The following NTM variants were observed in gnomAD, a reference collection of about 807,000 sequenced individuals.
NTM encodes neurotrimin.
NTM carries 13 observed loss-of-function variants against 42.1 expected under a neutral mutation model. The ratio of observed to expected loss-of-function variants is 0.31; its 90% CI spans 0.20 to 0.49. The LOEUF (loss-of-function observed/expected upper bound fraction) is 0.49. Ranked by LOEUF, NTM falls within the 20% of genes least tolerant of loss-of-function variation. The pLI is 0.99. For missense variants in NTM, 373 were observed against 452.8 expected, an observed-to-expected ratio of 0.82 and a Z score of 1.60; for synonymous variants, 187 against 179.2, an observed-to-expected ratio of 1.04 and a Z score of -0.35.
intron 7 of NTM, among the ~76,000 whole-genome samples, chr11:132,318,326 T>G (rs2095482890): frequency 6.6e-6 from 1 of 152,192 alleles, no homozygotes; most frequent in Non-Finnish European, 1.5e-5. Context: ...CGTACAGAGT[T>G]GTTCCAACAG....
intron 1 of NTM, among the ~76,000 whole-genome samples, chr11:131,676,923 C>T (rs935879057): frequency 6.6e-6 from 1 of 152,206 alleles, no homozygotes; most frequent in Non-Finnish European, 1.5e-5. Context: ...CACTTAGCTG[C>T]GTTCTGTTGC....
At chr11:132,184,643 A>G (rs2078114137) in intron 3 of NTM, among the ~76,000 whole-genome samples, 1 of 152,210 alleles carries the variant, frequency 6.6e-6, no homozygotes, top group Non-Finnish European at 1.5e-5. Flanking sequence ...ACCTGGAAGG[A>G]AAGACCAGAG....
intron 1 of NTM, among the ~76,000 whole-genome samples, chr11:131,475,457 G>A (rs12577686): frequency 0.11 from 16,164 of 151,830 alleles, 1,754 homozygotes; most frequent in East Asian, 0.5. Flanking sequence ...TGTCCCTCTC[G>A]GCAAAATGGG....
chr11:131,505,382 G>T (rs893741182), intron 1 of NTM, among the ~76,000 whole-genome samples: 2 of 152,092 alleles, frequency 1.3e-5, no homozygotes, highest in Non-Finnish European at 2.9e-5. Context: ...TCAAAGTATG[G>T]TTCCCCAAAC....
chr11:131,965,748 A>G (rs149670446), intron 2 of NTM, among the ~76,000 whole-genome samples: 1 of 152,300 alleles, frequency 6.6e-6, no homozygotes, highest in Non-Finnish European at 1.5e-5. Context: ...GGAGTGATTT[A>G]TTCTTACAAA....
chr11:131,874,003 A>G (rs1002278987), intron 1 of NTM, among the ~76,000 whole-genome samples: 1 of 78,322 alleles, frequency 1.3e-5, no homozygotes, highest in African/African-American at 3.3e-5. Context: ...TTATATTTAC[A>G]TATAATATAT....
At chr11:131,853,907 G>C (rs2045847395) in intron 1 of NTM, among the ~76,000 whole-genome samples, 1 of 152,114 alleles carries the variant, frequency 6.6e-6, no homozygotes, top group Admixed American at 6.5e-5. Context: ...AGCATCTGCT[G>C]TTTCTTTTTG....
At chr11:131,872,726 A>T (rs574850742) in intron 1 of NTM, among the ~76,000 whole-genome samples, 1 of 152,226 alleles carries the variant, frequency 6.6e-6, no homozygotes, top group Non-Finnish European at 1.5e-5. Context: ...GCTAGATTGA[A>T]AGCTGGTACC....
intron 4 of NTM, among the ~76,000 whole-genome samples, chr11:132,218,436 A>T (rs2084397141): frequency 6.6e-6 from 1 of 152,198 alleles, no homozygotes; most frequent in Non-Finnish European, 1.5e-5. Flanking sequence ...TGATTAAATT[A>T]ACTCTTTAGT....
At chr11:131,860,231 AG>A (rs1459854201) in intron 1 of NTM, among the ~76,000 whole-genome samples, 3 of 152,082 alleles carry the variant, frequency 2.0e-5, no homozygotes, top group Non-Finnish European at 2.9e-5. Flanking sequence ...TCGTGTTTGG[AG>A]GGTCTCTGGA....
At chr11:131,944,950 G>A (rs889376991) in intron 2 of NTM, among the ~76,000 whole-genome samples, 7 of 152,126 alleles carry the variant, frequency 4.6e-5, no homozygotes, top group African/African-American at 1.7e-4. Context: ...CATCTTCCCT[G>A]TTGTGTAAGG....
chr11:132,267,150 G>T (rs1211414357), intron 4 of NTM, among the ~76,000 whole-genome samples: 1 of 152,140 alleles, frequency 6.6e-6, no homozygotes, highest in Non-Finnish European at 1.5e-5. Flanking sequence ...TAGATCAAAG[G>T]ATTTTTCCTC....
At chr11:131,895,479 T>C (rs1456296951) in intron 1 of NTM, among the ~76,000 whole-genome samples, 1 of 152,174 alleles carries the variant, frequency 6.6e-6, no homozygotes, top group African/African-American at 2.4e-5. Context: ...GAACTCACAC[T>C]CAGGGTCATA....
intron 7 of NTM, chr11:132,315,036 C>T (rs139570705): frequency 2.5e-5 from 27 of 1,084,774 alleles, no homozygotes; most frequent in African/African-American, 1.8e-4. Flanking sequence ...GAAAAGATCC[C>T]GAGATAGGAG....
chr11:131,585,085 C>T (rs1475454572), intron 1 of NTM, among the ~76,000 whole-genome samples: 1 of 152,138 alleles, frequency 6.6e-6, no homozygotes, highest in Admixed American at 6.5e-5. Flanking sequence ...TTTCTTTGGG[C>T]TATTGGACGG....
At chr11:132,211,970 C>A in intron 3 of NTM, 52 bp from the exon 4 acceptor site, 1 of 1,578,412 alleles carries the variant, frequency 6.3e-7, no homozygotes, top group Non-Finnish European at 8.6e-7. Flanking sequence ...GTTAAGACAA[C>A]TAAGAAATGT....
In NTM at chr11:132,146,481, C is replaced by G. The variant is rs779837867; in HGVS notation, c.367C>G (p.Pro123Ala). ...YTCSVQTDNH[P>A]KTSRVHLIVQ... Reference sequence around the variant, plus strand: ...CTGCTCGGTGCAGACAGACAACCACCCAAAGACCTCTAGGGTCCACCTCAT... The same window carrying G: ...CTGCTCGGTGCAGACAGACAACCACGCAAAGACCTCTAGGGTCCACCTCAT... Residue 123 changes from proline (P) to alanine (A), a missense_variant, in exon 3 of 9, where the codon CCA becomes GCA. Around this residue, in one of 3 missense-constraint regions of NTM, gnomAD observed 312 missense variants for 353.5 expected, o/e 0.88. Coordinates refer to ENST00000683400, the MANE Select transcript of NTM (RefSeq NM_001352005.2). This position sits in a 1 kb window ranked among gnomAD's most constrained non-coding sequence, Gnocchi z 4.5. 3.1e-6 allele frequency: 5 copies of G among 1,614,184 alleles called. No individual in the cohort carries two copies. In the Admixed American group the frequency reaches 8.3e-5, roughly 27 times the overall value.
At chr11:132,262,593 G>C (rs574573861) in intron 4 of NTM, among the ~76,000 whole-genome samples, 3 of 152,012 alleles carry the variant, frequency 2.0e-5, no homozygotes, top group Admixed American at 6.6e-5. Context: ...CTATTCTTAC[G>C]AGGACTTTAA....
intron 3 of NTM, among the ~76,000 whole-genome samples, chr11:132,168,393 T>C (rs969973976): frequency 2.0e-5 from 3 of 152,192 alleles, no homozygotes; most frequent in African/African-American, 7.2e-5. Flanking sequence ...CTATGAGGTA[T>C]CTCATATCAC....
Sources: gnomAD v4.1 joint callset for allele counts (sites outside exome capture counted in the v4.1 genomes callset) on GRCh38, gnomAD v4.1.1 for gene constraint, gnomAD v4.1.1 regional missense constraint, Gnocchi (gnomAD v3.1) non-coding constraint, MANE v1.5 for transcripts, NCBI Gene and HGNC (gene_info 2026-07-23, HGNC 2026-07-21) for gene names.